Variants in CUX1 observed in about 807,000 individuals in gnomAD.
CUX1 encodes protein CASP.
CUX1 carries 31 observed loss-of-function variants against 158.8 expected under a neutral mutation model. That is an observed-to-expected ratio of 0.20 (90% CI 0.15 to 0.26). The LOEUF is 0.26. Among genes scored for constraint, CUX1 ranks in the 10% least tolerant of loss-of-function variants. The probability of loss-of-function intolerance (pLI) is 1.00; values close to 1 mark genes in which losing one functional copy is unlikely to be tolerated. For synonymous variants in CUX1, 879 were observed against 862.1 expected (o/e 1.02, Z -0.34); for missense variants, 1,589 against 2,014.6 (o/e 0.79, Z 4.04).
Position 102,189,866 on chromosome 7 carries a change from G to C in CUX1, c.1071G>C (p.Glu357Asp), listed in dbSNP as rs782222046. 1 of 1,614,278 alleles carries C rather than the reference G, an allele frequency of 6.2e-7. No homozygotes were observed. Among genetic ancestry groups the C allele is most frequent in the Non-Finnish European group, 8.5e-7 (1 of 1,180,046 alleles). The change falls in exon 12 of 24, where the codon GAG becomes GAC. Residue 357 changes from glutamate to aspartate, a missense_variant. Glu to Asp is a conservative substitution (Grantham distance 45, BLOSUM62 2). Coordinates refer to ENST00000292535, the MANE Select transcript of CUX1 (RefSeq NM_181552.4). ...CTGACTATGAAGAGGTGAAGAAAGAGCTGAAGTAAGTACGGAGAGCCCTGT... is the reference window on the plus strand; with the variant it reads ...CTGACTATGAAGAGGTGAAGAAAGACCTGAAGTAAGTACGGAGAGCCCTGT... ...GQADYEEVKK[E>D]LNILKSMEFA...
At chr7:101,823,579 C>T (rs555188743) in intron 1 of CUX1, among the ~76,000 whole-genome samples, 1 of 152,340 alleles carries the variant, frequency 6.6e-6, no homozygotes, top group South Asian at 2.1e-4. Context: ...ACAGAGCTTA[C>T]TCTGAGACAC....
At chr7:101,872,190 G>A (rs1244968851) in intron 1 of CUX1, among the ~76,000 whole-genome samples, 1 of 152,136 alleles carries the variant, frequency 6.6e-6, no homozygotes, top group Non-Finnish European at 1.5e-5. Flanking sequence ...TTGGAGTGCA[G>A]TGGCATGATC....
chr7:102,170,647 T>G (rs1239438502), intron 10 of CUX1, 97 bp downstream of exon 10: 2 of 832,614 alleles, frequency 2.4e-6, no homozygotes, highest in Non-Finnish European at 3.8e-6. Context: ...CATCTCTTTT[T>G]GGGAATCACG....
chr7:102,041,070 C>G (rs1585383087), intron 3 of CUX1, among the ~76,000 whole-genome samples: 1 of 151,422 alleles, frequency 6.6e-6, no homozygotes, highest in East Asian at 1.9e-4. Context: ...GGGTGGATCA[C>G]AAGGTCAGGA....
intron 1 of CUX1, among the ~76,000 whole-genome samples, chr7:101,861,697 A>G (rs1314729431): frequency 6.6e-6 from 1 of 151,826 alleles, no homozygotes; most frequent in African/African-American, 2.4e-5. Flanking sequence ...AGATTTCTGC[A>G]TGCCCAGGCT....
intron 5 of CUX1, among the ~76,000 whole-genome samples, chr7:102,102,185 G>A (rs1238342545): frequency 2.0e-5 from 3 of 152,020 alleles, no homozygotes; most frequent in African/African-American, 4.8e-5. Flanking sequence ...TGATGGGATC[G>A]TTGGTGGAAT....
At chr7:101,873,599 G>T (rs1173515995) in intron 1 of CUX1, among the ~76,000 whole-genome samples, 2 of 152,070 alleles carry the variant, frequency 1.3e-5, no homozygotes, top group Non-Finnish European at 2.9e-5. Context: ...TGAAGAAGAG[G>T]TATATTTTCT....
At position 102,141,789 on chromosome 7, in the gene CUX1, ATTTTTTTT is replaced by A. The variant is rs71123009; in HGVS notation, c.675-16755_675-16748del. ...AGGTGCACACCACCACTCTCAGCTA[ATTTTTTTT>A]TTTTTTTTTTTTTTTGTATTTTTAG... is the stretch of plus-strand genomic sequence containing the variant. On this transcript the variant is annotated intron_variant, in intron 8 of 23. Coordinates refer to ENST00000292535, the MANE Select transcript of CUX1 (RefSeq NM_181552.4). 4.2e-4 allele frequency among the ~76,000 whole-genome samples: 43 copies of A among 102,572 alleles called. 1 individual carries two copies. The highest frequency in any genetic ancestry group is 1.4e-3 in the African/African-American group (36 of 25,962). 67.3% of individuals were successfully genotyped at this position (102,572 alleles called of 152,430 possible). A position where few individuals can be genotyped will look rare whatever the true frequency, so the allele number is the denominator to read the frequency against.
intron 1 of CUX1, among the ~76,000 whole-genome samples, chr7:101,864,877 T>C (rs1797788172): frequency 1.3e-5 from 2 of 152,212 alleles, no homozygotes; most frequent in East Asian, 3.9e-4. Flanking sequence ...TTAATACTTA[T>C]TTAAGCTTCA....
chr7:102,267,027 C>T (rs1284062405), intron 14 of CUX1, among the ~76,000 whole-genome samples: 1 of 152,036 alleles, frequency 6.6e-6, no homozygotes, highest in Non-Finnish European at 1.5e-5. Flanking sequence ...TTGCTGGAGA[C>T]CCCATTGCAT....
At chr7:102,277,975 C>G in exon 18 of CUX1, 3 of 1,591,170 alleles carry the variant, frequency 1.9e-6, no homozygotes, top group South Asian at 2.3e-5. Flanking sequence ...AGCACACCCT[C>G]CAGGCCCTGC....
At chr7:102,221,654 G>A (rs1034779166) in intron 20 of CUX1, among the ~76,000 whole-genome samples, 10 of 148,880 alleles carry the variant, frequency 6.7e-5, no homozygotes, top group African/African-American at 1.8e-4. Flanking sequence ...AATGCCTTGT[G>A]TATCTCAGAG....
Position 102,197,304 on chromosome 7 carries a change from A to AGGTGAGAGACTGGCGTTGGGT in CUX1, c.1894+2_1894+22dup, listed in dbSNP as rs1485261573. 6.2e-7 allele frequency: 1 copy of AGGTGAGAGACTGGCGTTGGGT among 1,610,302 alleles called. No homozygotes were observed. The highest frequency in any genetic ancestry group is 8.5e-7 in the Non-Finnish European group (1 of 1,176,948). On this transcript the variant is annotated inframe_insertion and splice_region_variant, in exon 15 of 24. Coordinates refer to ENST00000292535, the MANE Select transcript of CUX1 (RefSeq NM_181552.4). ...TCCGTAGCATCCAAGGCAGACAAAG[A>AGGTGAGAGACTGGCGTTGGGT]GGTGAGAGACTGGCGTTGGGTGGCG...
chr7:101,890,680 G>A (rs1377194449), intron 1 of CUX1, among the ~76,000 whole-genome samples: 2 of 152,210 alleles, frequency 1.3e-5, no homozygotes, highest in Non-Finnish European at 1.5e-5. Flanking sequence ...GTTTCTGCTT[G>A]CGTATTTCTA....
At position 102,248,898 on chromosome 7, in the gene CUX1, C is replaced by T. The variant is rs781976122; in HGVS notation, c.4374C>T (p.Ser1458=). 7.0e-7 allele frequency: 1 copy of T among 1,425,538 alleles called. No individual in the cohort carries two copies. Among genetic ancestry groups the T allele is most frequent in the Non-Finnish European group, 9.2e-7 (1 of 1,083,608 alleles). The allele number at this position is 1,425,538 out of a possible 1,614,324, so 88.3% of individuals were successfully genotyped here. The part of the protein sequence containing the change: ...SAPRRPSSLQ[S]LFGLPEAAGA... The stretch of plus-strand genomic sequence containing the variant: ...CCCGCAGGCCCAGCTCGCTGCAGAG[C>T]CTTTTCGGCCTCCCCGAGGCCGCGG... Residue 1458 remains serine, a synonymous_variant, in exon 24 of 24, where the codon AGC becomes AGT. Coordinates refer to ENST00000292535, the MANE Select transcript of CUX1 (RefSeq NM_181552.4). The surrounding 1 kb of genome is among the most constrained non-coding windows in gnomAD (Gnocchi z 5.8).
intron 12 of CUX1, among the ~76,000 whole-genome samples, chr7:102,192,239 C>T (rs1005434046): frequency 2.6e-5 from 4 of 152,200 alleles, no homozygotes; most frequent in African/African-American, 9.7e-5. Flanking sequence ...CTTCAGGGCC[C>T]TTCTCCAATG....
rs1801297731 is a variant in CUX1, at chr7:102,249,804, G to A, written c.*762G>A. 1.0e-6 allele frequency: 1 copy of A among 985,666 alleles called. No homozygotes were observed. The highest frequency in any genetic ancestry group is 1.2e-6 in the Non-Finnish European group (1 of 829,810). 61.1% of individuals were successfully genotyped at this position (985,666 alleles called of 1,614,324 possible). A position where few individuals can be genotyped will look rare whatever the true frequency, so the allele number is the denominator to read the frequency against. ...AGTTTGGATTCCTAAATATTTTCAA[G>A]AAAAGAATCTTCTCGTTTGAAACTT... On this transcript the variant is annotated 3_prime_UTR_variant, in exon 24 of 24. Transcript: ENST00000292535.
rs540758013 is a variant in CUX1 at position 102,049,128 on chromosome 7, C to A, written c.189+20983C>A. Reference sequence around the variant, plus strand: ...GACCACCTACAAGGACCTAGGGGGACACAGTACTGGGGGCAGGAGCTGGGA... The same window carrying A: ...GACCACCTACAAGGACCTAGGGGGAAACAGTACTGGGGGCAGGAGCTGGGA... On this transcript the variant is annotated intron_variant, in intron 3 of 23. Coordinates refer to ENST00000292535, the MANE Select transcript of CUX1 (RefSeq NM_181552.4). Among the ~76,000 whole-genome samples the A allele has an allele frequency of 3.8e-4, 58 of 152,222 alleles. 1 individual carries two copies. The highest frequency in any genetic ancestry group is 1.3e-3 in the African/African-American group (53 of 41,530).
At chr7:102,104,312 G>GT (rs782167949) in intron 5 of CUX1, 24 bp from the exon 6 acceptor site, 2 of 1,544,396 alleles carry the variant, frequency 1.3e-6, no homozygotes, top group Admixed American at 3.9e-5. Context: ...TCTTACTGTA[G>GT]GTTTTTTTTT....
Sources: allele counts gnomAD v4.1 joint callset (sites outside exome capture counted in the v4.1 genomes callset), GRCh38; gene constraint gnomAD v4.1.1; non-coding constraint Gnocchi (gnomAD v3.1); transcripts MANE v1.5; gene names NCBI Gene and HGNC (gene_info 2026-07-23, HGNC 2026-07-21).